The following DRD1 variants were observed in gnomAD, a reference collection of about 807,000 sequenced individuals.
DRD1 encodes the protein dopamine receptor D1.
DRD1 carries 2 observed loss-of-function variants against 23.8 expected under a neutral mutation model. The ratio of observed to expected loss-of-function variants is 0.08; its 90% CI spans 0.03 to 0.26. The LOEUF is 0.26. Ranked by LOEUF, DRD1 falls within the 10% of genes least tolerant of loss-of-function variation. The pLI is 1.00. For synonymous variants in DRD1, 218 were observed against 225.7 expected (o/e 0.97, Z 0.30); for missense variants, 376 against 559.0 (o/e 0.67, Z 3.30).
rs572096361 is a variant in DRD1, at chr5:175,440,280, G to C, written c.*1479C>G. 7 of 152,102 alleles carry C rather than the reference G, an allele frequency of 4.6e-5. No individual in the cohort carries two copies. The highest frequency in any genetic ancestry group is 1.0e-4 in the Non-Finnish European group (7 of 68,008). 9.4% of individuals were successfully genotyped at this position (152,102 alleles called of 1,614,324 possible). A position where few individuals can be genotyped will look rare whatever the true frequency, so the allele number is the denominator to read the frequency against. On this transcript the variant is annotated 3_prime_UTR_variant, in exon 2 of 2. Transcript: ENST00000393752. ...TTGGCATCTGGCAAGGGAGGCTTAT[G>C]ATACTTTTTACAGTCCGGGTGATGA...
chr5:175,441,597 T>C lies in DRD1; in HGVS notation c.*162A>G. The C allele has an allele frequency of 1.2e-6, 1 of 850,906 alleles. No homozygotes were observed. Among genetic ancestry groups the C allele is most frequent in the Non-Finnish European group, 1.8e-6 (1 of 568,660 alleles). The allele number at this position is 850,906 out of a possible 1,614,324, so 52.7% of individuals were successfully genotyped here. On this transcript the variant is annotated 3_prime_UTR_variant, in exon 2 of 2. Transcript: ENST00000393752. ...ACTATGAACAACACAGAAAATACAC[T>C]GGAATGTATTTGGAAACGGAGTTAA...
chr5:175,443,462 A>C lies in DRD1; in HGVS notation c.-363T>G. 1 of 237,130 alleles carries C rather than the reference A, an allele frequency of 4.2e-6. No homozygotes were observed. The highest frequency in any genetic ancestry group is 8.9e-6 in the Non-Finnish European group (1 of 111,862). The allele number at this position is 237,130 out of a possible 1,614,324, so 14.7% of individuals were successfully genotyped here. ...TCTGCTCTGCTAGTCAGTTGCAATC[A>C]CATTTCGGGGCTGTTGCTTTTCTGG... On this transcript the variant is annotated 5_prime_UTR_variant, in exon 2 of 2. The change abolishes the stop of an existing upstream ORF in the 5' untranslated region. Transcript: ENST00000393752.
At position 175,442,884 on chromosome 5, in the gene DRD1, C is replaced by G; in HGVS notation, c.216G>C (p.Leu72Phe). ...TCCAGGGCATGACCAGGACGGCCAC[C>G]AAGAGATCTGACACAGCCAAGGAGA... is the stretch of plus-strand genomic sequence containing the variant. ...FVISLAVSDL[L>F]VAVLVMPWKA... is the part of the protein sequence containing the mutation. Residue 72 changes from leucine (L) to phenylalanine (F), a missense_variant, in exon 2 of 2, where the codon TTG becomes TTC. Transcript: ENST00000393752. This position sits in a 1 kb window ranked among gnomAD's most constrained non-coding sequence, Gnocchi z 7.3. 2 of 1,614,076 alleles carry G rather than the reference C, an allele frequency of 1.2e-6. No individual in the cohort carries two copies. The highest frequency in any genetic ancestry group is 1.7e-6 in the Non-Finnish European group (2 of 1,180,006).
Position 175,440,626 on chromosome 5 carries a change from ACT to A in DRD1, c.*1131_*1132del, listed in dbSNP as rs1758504431. The A allele has an allele frequency of 6.6e-6, 1 of 152,568 alleles. No homozygotes were observed. The highest frequency in any genetic ancestry group is 1.5e-5 in the Non-Finnish European group (1 of 68,020). 9.5% of individuals were successfully genotyped at this position (152,568 alleles called of 1,614,324 possible). A position where few individuals can be genotyped will look rare whatever the true frequency, so the allele number is the denominator to read the frequency against. On this transcript the variant is annotated 3_prime_UTR_variant, in exon 2 of 2. Coordinates refer to ENST00000393752, the MANE Select transcript of DRD1 (RefSeq NM_000794.5). ...TCCCTCAGTGGGGCTGCTGTAACCC[ACT>A]GTCTGTGCTACAGATCTCTCTCCAG...
Position 175,442,268 on chromosome 5 carries a change from T to A in DRD1, c.832A>T (p.Met278Leu). 1.2e-6 allele frequency: 2 copies of A among 1,614,106 alleles called. No individual in the cohort carries two copies. The highest frequency in any genetic ancestry group is 1.7e-6 in the Non-Finnish European group (2 of 1,180,036). ...TKVLKTLSVI[M>L]GVFVCCWLPF... ...AGCCAACAGCACACAAACACACCCATGATCACCGACAGAGTCTTCAGGACT... is the reference window on the plus strand; with the variant it reads ...AGCCAACAGCACACAAACACACCCAAGATCACCGACAGAGTCTTCAGGACT... The change falls in exon 2 of 2, where the codon ATG becomes TTG. Residue 278 changes from methionine to leucine, a missense_variant. Met to Leu is a conservative substitution (Grantham distance 15, BLOSUM62 2). Around this residue, in one of 5 missense-constraint regions of DRD1, gnomAD observed 47 missense variants for 106.7 expected, o/e 0.44. Coordinates refer to ENST00000393752, the MANE Select transcript of DRD1 (RefSeq NM_000794.5). This position sits in a 1 kb window ranked among gnomAD's most constrained non-coding sequence, Gnocchi z 7.3.
rs1274414881 is a variant in DRD1, at chr5:175,443,176, C to G, written c.-77G>C. 3.9e-6 allele frequency: 6 copies of G among 1,537,156 alleles called. No individual in the cohort carries two copies. Among genetic ancestry groups the G allele is most frequent in the Non-Finnish European group, 5.3e-6 (6 of 1,140,718 alleles). On this transcript the variant is annotated 5_prime_UTR_variant, in exon 2 of 2. Coordinates refer to ENST00000393752, the MANE Select transcript of DRD1 (RefSeq NM_000794.5). The stretch of plus-strand genomic sequence containing the variant: ...CAGGGAATAGGGGTCAGTCAGATTT[C>G]CAGGAGTCCTCCCCACCAGGCAGCA...
chr5:175,444,058 G>C lies in DRD1; in HGVS notation c.-843C>G, dbSNP rs566124813. The C allele has an allele frequency of 6.6e-6, 1 of 152,632 alleles. No individual in the cohort carries two copies. Among genetic ancestry groups the C allele is most frequent in the Admixed American group, 6.5e-5 (1 of 15,310 alleles). 9.5% of individuals were successfully genotyped at this position (152,632 alleles called of 1,614,324 possible). A position where few individuals can be genotyped will look rare whatever the true frequency, so the allele number is the denominator to read the frequency against. On this transcript the variant is annotated 5_prime_UTR_variant, in exon 1 of 2. Transcript: ENST00000393752. The stretch of plus-strand genomic sequence containing the variant: ...CCTTTCGAGAGCCCAGAGCCTTGGC[G>C]AACCTCGGGCGGCCTTCAGCCCTAC...
chr5:175,442,941 G>T lies in DRD1; in HGVS notation c.159C>A (p.His53Gln). 6.2e-7 allele frequency: 1 copy of T among 1,614,046 alleles called. No homozygotes were observed. The highest frequency in any genetic ancestry group is 8.5e-7 in the Non-Finnish European group (1 of 1,180,030). ...AGAAGTTGGTCACCTTGGACCGCAG[G>T]TGTCGGAACCTGATAACGGCAGCAC... ...LVCAAVIRFRHLRSKVTNFFV... is the reference protein window; with the variant it reads ...LVCAAVIRFRQLRSKVTNFFV... Residue 53 changes from histidine to glutamine, a missense_variant, in exon 2 of 2, where the codon CAC becomes CAA. His to Gln is a conservative substitution (Grantham distance 24). Around this residue, in one of 5 missense-constraint regions of DRD1, gnomAD observed 121 missense variants for 239.4 expected, o/e 0.51. Transcript: ENST00000393752. This position sits in a 1 kb window ranked among gnomAD's most constrained non-coding sequence, Gnocchi z 7.3.
chr5:175,442,332 C>A lies in DRD1; in HGVS notation c.768G>T (p.Pro256=), dbSNP rs752562538. 1.2e-6 allele frequency: 2 copies of A among 1,613,972 alleles called. No individual in the cohort carries two copies. The highest frequency in any genetic ancestry group is 1.3e-5 in the African/African-American group (1 of 74,912). ...GNGKPVECSQ[P]ESSFKMSFKR... ...TGAAGGACATCTTAAAAGAACTTTC[C>A]GGTTGAGAACATTCGACAGGCTTTC... is the stretch of plus-strand genomic sequence containing the variant. Residue 256 remains proline (P), a synonymous_variant, in exon 2 of 2, where the codon CCG becomes CCT. Transcript: ENST00000393752. The surrounding 1 kb of genome is among the most constrained non-coding windows in gnomAD (Gnocchi z 7.3).
Position 175,443,374 on chromosome 5 carries a change from T to TC in DRD1, c.-276dup, listed in dbSNP as rs1159540230. On this transcript the variant is annotated 5_prime_UTR_variant, in exon 2 of 2. The change creates a premature stop within an existing upstream ORF in the 5' untranslated region. Transcript: ENST00000393752. The stretch of plus-strand genomic sequence containing the variant: ...CTTGGGCACCAGAAAGCCCCTGAAT[T>TC]CCCCAAATAAAGCACTGGCTTTTTA... The TC allele has an allele frequency of 2.0e-6, 1 of 500,348 alleles. No individual in the cohort carries two copies. The highest frequency in any genetic ancestry group is 3.4e-5 in the South Asian group (1 of 29,326). 31.0% of individuals were successfully genotyped at this position (500,348 alleles called of 1,614,324 possible).
chr5:175,443,145 C>T lies in DRD1; in HGVS notation c.-46G>A. On this transcript the variant is annotated 5_prime_UTR_variant, in exon 2 of 2. Coordinates refer to ENST00000393752, the MANE Select transcript of DRD1 (RefSeq NM_000794.5). ...CAGGGGCTCTGACACCCCTCAAGTT[C>T]CCAAGCAGGGAATAGGGGTCAGTCA... The T allele has an allele frequency of 6.3e-7, 1 of 1,584,788 alleles. No individual in the cohort carries two copies. The highest frequency in any genetic ancestry group is 8.6e-7 in the Non-Finnish European group (1 of 1,164,848).
rs1045780151 is a variant in DRD1, at chr5:175,441,300, T to A, written c.*459A>T. 3 of 153,170 alleles carry A rather than the reference T, an allele frequency of 2.0e-5. No individual in the cohort carries two copies. Among genetic ancestry groups the A allele is most frequent in the African/African-American group, 7.2e-5 (3 of 41,464 alleles). The allele number at this position is 153,170 out of a possible 1,614,324, so 9.5% of individuals were successfully genotyped here. On this transcript the variant is annotated 3_prime_UTR_variant, in exon 2 of 2. Coordinates refer to ENST00000393752, the MANE Select transcript of DRD1 (RefSeq NM_000794.5). ...TTCTCACTCCTACTGTAAGCCTCAA[T>A]TAATGTTTTAGAAATAATTTATGAA...
At position 175,443,082 on chromosome 5, in the gene DRD1, G is replaced by A. The variant is rs1161557835; in HGVS notation, c.18C>T (p.Thr6=). The A allele has an allele frequency of 1.2e-6, 2 of 1,613,948 alleles. No individual in the cohort carries two copies. The highest frequency in any genetic ancestry group is 1.7e-6 in the Non-Finnish European group (2 of 1,179,938). Residue 6 remains threonine (T), a synonymous_variant, in exon 2 of 2, where the codon ACC becomes ACT. Coordinates refer to ENST00000393752, the MANE Select transcript of DRD1 (RefSeq NM_000794.5). MRTLN[T]SAMDGTGLVV... ...CCAGCCCAGTCCCGTCCATGGCAGAGGTGTTCAGAGTCCTCATCTTCCTAA... is the reference window on the plus strand; with the variant it reads ...CCAGCCCAGTCCCGTCCATGGCAGAAGTGTTCAGAGTCCTCATCTTCCTAA...
In DRD1 at chr5:175,442,803, C is replaced by A; in HGVS notation, c.297G>T (p.Trp99Cys). ...TGGAGCACATGATGTCAAAGGCCAC[C>A]CAGATGTTACAGAAGGACCCAAAGG... ...FWPFGSFCNI[W>C]VAFDIMCSTA... The change falls in exon 2 of 2, where the codon TGG becomes TGT. Residue 99 changes from tryptophan to cysteine, a missense_variant. Physicochemically the swap from Trp to Cys is radical, Grantham distance 215. This residue lies in a region of DRD1 where 121 missense variants were observed against 239.4 expected (regional missense o/e 0.51). Coordinates refer to ENST00000393752, the MANE Select transcript of DRD1 (RefSeq NM_000794.5). This position sits in a 1 kb window ranked among gnomAD's most constrained non-coding sequence, Gnocchi z 7.3. 6.2e-7 allele frequency: 1 copy of A among 1,614,018 alleles called. No homozygotes were observed. Among genetic ancestry groups the A allele is most frequent in the Non-Finnish European group, 8.5e-7 (1 of 1,180,014 alleles).
Position 175,441,627 on chromosome 5 carries a change from GT to G in DRD1, c.*131del. On this transcript the variant is annotated 3_prime_UTR_variant, in exon 2 of 2. Transcript: ENST00000393752. ...TGTATTTGGAAACGGAGTTAATTGT[GT>G]GTTGGAAAGCAGCAGAGGGCTCTCC... 8.8e-7 allele frequency: 1 copy of G among 1,133,144 alleles called. No individual in the cohort carries two copies. The highest frequency in any genetic ancestry group is 1.7e-5 in the South Asian group (1 of 59,712). The allele number at this position is 1,133,144 out of a possible 1,614,324, so 70.2% of individuals were successfully genotyped here. A position where few individuals can be genotyped will look rare whatever the true frequency, so the allele number is the denominator to read the frequency against.
At position 175,441,706 on chromosome 5, in the gene DRD1, C is replaced by A; in HGVS notation, c.*53G>T. The A allele has an allele frequency of 2.0e-6, 3 of 1,512,184 alleles. No individual in the cohort carries two copies. The highest frequency in any genetic ancestry group is 2.7e-5 in the South Asian group (2 of 75,218). The allele number at this position is 1,512,184 out of a possible 1,614,324, so 93.7% of individuals were successfully genotyped here. A position where few individuals can be genotyped will look rare whatever the true frequency, so the allele number is the denominator to read the frequency against. On this transcript the variant is annotated 3_prime_UTR_variant, in exon 2 of 2. Coordinates refer to ENST00000393752, the MANE Select transcript of DRD1 (RefSeq NM_000794.5). ...AGTTTCTTAATAGCAAGCCCCAGAG[C>A]AATCTCCTCTAGCTTTTGGGATGAG...
In DRD1 at chr5:175,440,565, G is replaced by C. The variant is rs2113204933; in HGVS notation, c.*1194C>G. Reference sequence around the variant, plus strand: ...GTAGCCCCACTGACTGGTTTGGTTTGACCTGGTAAGATGGAAATGCAGGGT... The same window carrying C: ...GTAGCCCCACTGACTGGTTTGGTTTCACCTGGTAAGATGGAAATGCAGGGT... On this transcript the variant is annotated 3_prime_UTR_variant, in exon 2 of 2. Coordinates refer to ENST00000393752, the MANE Select transcript of DRD1 (RefSeq NM_000794.5). The C allele has an allele frequency of 6.5e-6, 1 of 152,720 alleles. No individual in the cohort carries two copies. Among genetic ancestry groups the C allele is most frequent in the South Asian group, 2.1e-4 (1 of 4,828 alleles). The allele number at this position is 152,720 out of a possible 1,614,324, so 9.5% of individuals were successfully genotyped here.
rs201076076 is a variant in DRD1 at position 175,441,994 on chromosome 5, G to A, written c.1106C>T (p.Ala369Val). 5.5e-5 allele frequency: 88 copies of A among 1,614,086 alleles called. No individual in the cohort carries two copies. Among genetic ancestry groups the A allele is most frequent in the South Asian group, 2.6e-4 (24 of 91,076 alleles). The change falls in exon 2 of 2, where the codon GCG becomes GTG. Residue 369 changes from alanine to valine, a missense_variant. Ala to Val is a moderately conservative substitution (Grantham distance 64, BLOSUM62 0). Transcript: ENST00000393752. ...ETVSINNNGA[A>V]MFSSHHEPRG... ...TGGCTCATGATGGCTGGAAAACATC[G>A]CGGCCCCATTGTTATTGATACTCAC...
In DRD1 at chr5:175,441,000, C is replaced by T. The variant is rs563211988; in HGVS notation, c.*759G>A. 41 of 152,672 alleles carry T rather than the reference C, an allele frequency of 2.7e-4. No homozygotes were observed. The highest frequency in any genetic ancestry group is 1.0e-3 in the South Asian group (5 of 4,828). The allele number at this position is 152,672 out of a possible 1,614,324, so 9.5% of individuals were successfully genotyped here. ...CATGAATTTTAAGGAATCATTTCAACTTTATTCCCTTATCTATCAGTTTCT... is the reference window on the plus strand; with the variant it reads ...CATGAATTTTAAGGAATCATTTCAATTTTATTCCCTTATCTATCAGTTTCT... On this transcript the variant is annotated 3_prime_UTR_variant, in exon 2 of 2. Transcript: ENST00000393752.
Sources: gnomAD v4.1 joint callset for allele counts on GRCh38, gnomAD v4.1.1 for gene constraint, gnomAD v4.1.1 regional missense constraint, Gnocchi (gnomAD v3.1) non-coding constraint, MANE v1.5 for transcripts, NCBI Gene and HGNC (gene_info 2026-07-23, HGNC 2026-07-21) for gene names.